NOC2L: variants seen among roughly 807,000 people sequenced by gnomAD.
NOC2L encodes NOC2 like nucleolar associated transcriptional repressor.
NOC2L carries 101 observed loss-of-function variants against 94.2 expected under a neutral mutation model. The observed-to-expected ratio is 1.07, with a 90% CI of 0.91 to 1.26. NOC2L has a LOEUF of 1.26. NOC2L is among the 50% of genes most tolerant of loss of function. NOC2L has a pLI of 0.00. For missense variants in NOC2L, 1,076 were observed against 980.1 expected (o/e 1.10, Z -1.31); for synonymous variants, 531 against 413.4 (o/e 1.28, Z -3.45).
Position 946,514 on chromosome 1 carries a change from G to A in NOC2L, c.1691C>T (p.Ala564Val), listed in dbSNP as rs200220074. The A allele has an allele frequency of 1.5e-4, 245 of 1,613,072 alleles. No homozygotes were observed. The highest frequency in any genetic ancestry group is 2.0e-4 in the Non-Finnish European group (232 of 1,179,934). The change falls in exon 15 of 19, where the codon GCC (alanine) becomes GTC (valine). Residue 564 changes from alanine to valine, a missense_variant. Around this residue, in one of 3 missense-constraint regions of NOC2L, gnomAD observed 615 missense variants for 577.4 expected, o/e 1.07. Coordinates refer to ENST00000327044, the MANE Select transcript of NOC2L (RefSeq NM_015658.4). The stretch of plus-strand genomic sequence containing the variant: ...CTGCTGCACCTGCCGGCAGTAGTTG[G>A]CCACCTTGCACTCCCGGAGGAACGA... ...LKSFLRECKV[A>V]NYCRQVQQLL...
rs761171178 is a variant in NOC2L, at chr1:956,147, T to G, written c.555A>C (p.Arg185=). 7 of 1,613,908 alleles carry G rather than the reference T, an allele frequency of 4.3e-6. No homozygotes were observed. In the South Asian group the frequency reaches 7.7e-5, roughly 18 times the overall value. Residue 185 remains arginine, a synonymous_variant, in exon 5 of 19, where the codon CGA becomes CGC. Coordinates refer to ENST00000327044, the MANE Select transcript of NOC2L (RefSeq NM_015658.4). Reference sequence around the variant, plus strand: ...TGGCCTCAGCACTTTCCTGGTCCCCTCGGGTGGTGGCCACAGCTGCTCGGA... The same window carrying G: ...TGGCCTCAGCACTTTCCTGGTCCCCGCGGGTGGTGGCCACAGCTGCTCGGA... ...QAFRAAVATT[R]GDQESAEANK...
intron 6 of NOC2L, 23 bp downstream of exon 6, chr1:955,900 C>T (rs374932900): frequency 5.1e-6 from 8 of 1,576,928 alleles, no homozygotes; most frequent in Non-Finnish European, 3.5e-6. Context: ...CACCCTACCC[C>T]CCTTCACCCC....
Position 944,419 on chromosome 1 carries a change from G to A in NOC2L, c.*275C>T, listed in dbSNP as rs1384094699. 7.1e-6 allele frequency: 8 copies of A among 1,130,078 alleles called. No homozygotes were observed. The East Asian group carries it at 2.1e-4, about 30-fold the overall frequency. The allele number at this position is 1,130,078 out of a possible 1,614,324, so 70.0% of individuals were successfully genotyped here. A position where few individuals can be genotyped will look rare whatever the true frequency, so the allele number is the denominator to read the frequency against. The stretch of plus-strand genomic sequence containing the variant: ...GCCTGCAGGCCTCCCCCTGGAACTG[G>A]GACTGGTCTCGGTCTGCTGACGTCA... On this transcript the variant is annotated 3_prime_UTR_variant, in exon 19 of 19. Coordinates refer to ENST00000327044, the MANE Select transcript of NOC2L (RefSeq NM_015658.4).
Position 946,513 on chromosome 1 carries a change from G to A in NOC2L, c.1692C>T (p.Ala564=). ...LKSFLRECKV[A]NYCRQVQQLL... ...GCTGCTGCACCTGCCGGCAGTAGTT[G>A]GCCACCTTGCACTCCCGGAGGAACG... Residue 564 remains alanine, a synonymous_variant, in exon 15 of 19, where the codon GCC becomes GCT. Transcript: ENST00000327044. 1 of 1,613,250 alleles carries A rather than the reference G, an allele frequency of 6.2e-7. No homozygotes were observed. Among genetic ancestry groups the A allele is most frequent in the Non-Finnish European group, 8.5e-7 (1 of 1,179,962 alleles).
chr1:952,647 C>A, intron 9 of NOC2L, 47 bp from the exon 10 acceptor site: 2 of 1,581,408 alleles, frequency 1.3e-6, no homozygotes, highest in Non-Finnish European at 1.7e-6. Context: ...GGGCCATGCA[C>A]CTCCACCGCC....
At position 945,507 on chromosome 1, in the gene NOC2L, G is replaced by C. The variant is rs369490864; in HGVS notation, c.2053+11C>G. 6.2e-7 allele frequency: 1 copy of C among 1,613,130 alleles called. No individual in the cohort carries two copies. The highest frequency in any genetic ancestry group is 1.1e-5 in the South Asian group (1 of 91,040). On this transcript the variant is annotated intron_variant, in intron 17 of 18. Transcript: ENST00000327044. ...CCCACCCTTCCCCTGGGAGCACCACGCAGGCCCCACCTCTCTCCGAGAATC... is the reference window on the plus strand; with the variant it reads ...CCCACCCTTCCCCTGGGAGCACCACCCAGGCCCCACCTCTCTCCGAGAATC...
chr1:952,021 T>C lies in NOC2L; in HGVS notation c.1310A>G (p.Gln437Arg). The change falls in exon 11 of 19, where the codon CAA (glutamine) becomes CGA (arginine). Residue 437 changes from glutamine (Q) to arginine (R), a missense_variant. Physicochemically the swap from Gln to Arg is conservative, Grantham distance 43. Around this residue, in one of 3 missense-constraint regions of NOC2L, gnomAD observed 615 missense variants for 577.4 expected, o/e 1.07. Coordinates refer to ENST00000327044, the MANE Select transcript of NOC2L (RefSeq NM_015658.4). The part of the protein sequence containing the change: ...ALQPLVYPLA[Q>R]VIIGCIKLIP... ...TCACTTGATACAGCCAATGATGACTTGGGCAAGGGGGTAGACCAAGGGCTG... is the reference window on the plus strand; with the variant it reads ...TCACTTGATACAGCCAATGATGACTCGGGCAAGGGGGTAGACCAAGGGCTG... 6.2e-7 allele frequency: 1 copy of C among 1,612,774 alleles called. No individual in the cohort carries two copies. The highest frequency in any genetic ancestry group is 1.1e-5 in the South Asian group (1 of 91,002).
intron 2 of NOC2L, chr1:958,043 C>G (rs1642463177): frequency 6.6e-6 from 1 of 150,888 alleles, no homozygotes; most frequent in South Asian, 2.1e-4. Flanking sequence ...ACGTCATCTT[C>G]TCAAACAACC....
At chr1:951,580 G>A (rs1208106491) in intron 11 of NOC2L, among the ~76,000 whole-genome samples, 1 of 152,176 alleles carries the variant, frequency 6.6e-6, no homozygotes, top group African/African-American at 2.4e-5. Context: ...CCTGGCCAAA[G>A]AGGCCACAGT....
chr1:956,305 C>A, intron 4 of NOC2L, 90 bp from the exon 5 acceptor site: 1 of 1,484,482 alleles, frequency 6.7e-7, no homozygotes, highest in Non-Finnish European at 9.2e-7. Flanking sequence ...GGCACCCTCA[C>A]CCTCACCCTC....
Position 944,596 on chromosome 1 carries a change from C to A in NOC2L, c.*98G>T. 1 of 730,424 alleles carries A rather than the reference C, an allele frequency of 1.4e-6. No individual in the cohort carries two copies. The highest frequency in any genetic ancestry group is 2.8e-5 in the Admixed American group (1 of 36,314). 45.2% of individuals were successfully genotyped at this position (730,424 alleles called of 1,614,324 possible). ...CCTGTCCCGTGTCTACTGCCTCCCC[C>A]AACTGCACAGACGCCAGCCTCTAGG... is the stretch of plus-strand genomic sequence containing the variant. On this transcript the variant is annotated 3_prime_UTR_variant, in exon 19 of 19. Coordinates refer to ENST00000327044, the MANE Select transcript of NOC2L (RefSeq NM_015658.4).
At position 952,030 on chromosome 1, in the gene NOC2L, G is replaced by C. The variant is rs1447065839; in HGVS notation, c.1301C>G (p.Pro434Arg). ...PSEALQPLVY[P>R]LAQVIIGCIK... ...ACAGCCAATGATGACTTGGGCAAGG[G>C]GGTAGACCAAGGGCTGGAGGGCTTC... Residue 434 changes from proline (P) to arginine (R), a missense_variant, in exon 11 of 19, where the codon CCC becomes CGC. By Grantham distance (103) the Pro-to-Arg change is moderately radical (BLOSUM62 -2). Coordinates refer to ENST00000327044, the MANE Select transcript of NOC2L (RefSeq NM_015658.4). 3 of 1,613,296 alleles carry C rather than the reference G, an allele frequency of 1.9e-6. No homozygotes were observed. The highest frequency in any genetic ancestry group is 1.7e-5 in the Admixed American group (1 of 59,982).
chr1:956,762 G>T, intron 4 of NOC2L, 132 bp downstream of exon 4: 2 of 1,309,342 alleles, frequency 1.5e-6, no homozygotes, highest in Non-Finnish European at 2.1e-6. Context: ...AGCCTCAGGC[G>T]CCTCAGGTGA....
intron 2 of NOC2L, chr1:957,651 C>G (rs1391294691): frequency 4.5e-6 from 1 of 223,158 alleles, no homozygotes; most frequent in African/African-American, 2.2e-5. Flanking sequence ...CAGCACGCAA[C>G]TTGTCATCAG....
chr1:953,049 A>G, intron 9 of NOC2L, 126 bp downstream of exon 9: 1 of 671,936 alleles, frequency 1.5e-6, no homozygotes, highest in Non-Finnish European at 2.7e-6. Context: ...CCAAGGGCCC[A>G]GGTCTGCTCA....
chr1:947,221 G>A (rs570332147), intron 14 of NOC2L, among the ~76,000 whole-genome samples: 4 of 152,102 alleles, frequency 2.6e-5, no homozygotes, highest in African/African-American at 4.8e-5. Context: ...CCCAGACCCC[G>A]ACCCTGGGCC....
intron 5 of NOC2L, 29 bp from the exon 6 acceptor site, chr1:956,042 C>T (rs756678855): frequency 1.2e-6 from 2 of 1,614,058 alleles, no homozygotes; most frequent in Non-Finnish European, 1.7e-6. Flanking sequence ...GATGTACTCA[C>T]GGGACAGAGA....
chr1:955,978 G>T lies in NOC2L; in HGVS notation c.643C>A (p.Leu215Ile), dbSNP rs147225789. 144 of 1,613,926 alleles carry T rather than the reference G, an allele frequency of 8.9e-5. No individual in the cohort carries two copies. The African/African-American group carries it at 1.7e-3, about 20-fold the overall frequency. ...AGCAGCTTCTGGAGACAGCCAATGA[G>T]GTCTCTGATGCAGAAGGTAACCAGA... ...NALVTFCIRD[L>I]IGCLQKLLFG... The change falls in exon 6 of 19, where the codon CTC becomes ATC. Residue 215 changes from leucine to isoleucine, a missense_variant. By Grantham distance (5) the Leu-to-Ile change is conservative. This residue lies in a region of NOC2L where 457 missense variants were observed against 386.0 expected (regional missense o/e 1.18). Coordinates refer to ENST00000327044, the MANE Select transcript of NOC2L (RefSeq NM_015658.4).
chr1:959,227 C>T lies in NOC2L; in HGVS notation c.14G>A (p.Gly5Glu), dbSNP rs766646410. 4.4e-6 allele frequency: 7 copies of T among 1,607,074 alleles called. No homozygotes were observed. The Admixed American group carries it at 8.4e-5, about 19-fold the overall frequency. The change falls in exon 1 of 19, where the codon GGG (glycine) becomes GAG (glutamate). Residue 5 changes from glycine (G) to glutamate (E), a missense_variant. This residue lies in a region of NOC2L where 457 missense variants were observed against 386.0 expected (regional missense o/e 1.18). Transcript: ENST00000327044. MAAA[G>E]SRKRRLAELT... ...ACCCGCGGCTTACCTCTTGCGGCTC[C>T]CCGCAGCTGCCATGACACCAACCCG...
Sources: allele counts gnomAD v4.1 joint callset (sites outside exome capture counted in the v4.1 genomes callset), GRCh38; gene constraint gnomAD v4.1.1; regional missense constraint gnomAD v4.1.1; transcripts MANE v1.5; gene names NCBI Gene and HGNC (gene_info 2026-07-23, HGNC 2026-07-21).